The following ASPRV1 variants were observed in gnomAD, a reference collection of about 807,000 sequenced individuals.
ASPRV1 encodes the protein aspartic peptidase retroviral like 1, also known as retroviral-like aspartic protease 1.
A neutral mutation model predicts 11.0 loss-of-function variants in ASPRV1; 7 were observed. The ratio of observed to expected loss-of-function variants is 0.64; its 90% CI spans 0.36 to 1.20. The LOEUF (loss-of-function observed/expected upper bound fraction) is 1.20. Ranked by LOEUF, ASPRV1 falls within the 50% of genes most tolerant of loss-of-function variation. The pLI, the probability that ASPRV1 is intolerant of heterozygous loss-of-function variation, is 0.02. For synonymous variants in ASPRV1, 136 were observed against 138.4 expected (o/e 0.98, Z 0.12); for missense variants, 299 against 320.0 (o/e 0.93, Z 0.50).
chr2:69,953,608 T>A, the ASPRV1 span, among the ~76,000 whole-genome samples: 1 of 152,156 alleles, frequency 6.6e-6, no homozygotes, highest in Non-Finnish European at 1.5e-5. Flanking sequence ...TTTCCCCCAA[T>A]CCAGGGTAAA....
At chr2:69,941,859 T>TAC in the ASPRV1 span, 1 of 135,182 alleles carries the variant, frequency 7.4e-6, no homozygotes, top group East Asian at 2.4e-4. Context: ...AAAGTATCTA[T>TAC]ATATACACAC....
the ASPRV1 span, among the ~76,000 whole-genome samples, chr2:69,980,636 CA>C: frequency 6.6e-6 from 1 of 152,080 alleles, no homozygotes; most frequent in Non-Finnish European, 1.5e-5. Context: ...AGTATCATAC[CA>C]ATGTTAGTTT....
chr2:70,065,819 CAAAAAAAAAAAA>C, the ASPRV1 span, among the ~76,000 whole-genome samples: 11 of 67,446 alleles, frequency 1.6e-4, no homozygotes, highest in Admixed American at 1.3e-3. Context: ...GCTTTTGACT[CAAAAAAAAAAAA>C]AAAAAAAAAA....
At chr2:70,060,773 T>G in the ASPRV1 span, among the ~76,000 whole-genome samples, 1 of 151,842 alleles carries the variant, frequency 6.6e-6, no homozygotes, top group Non-Finnish European at 1.5e-5. Flanking sequence ...CTGAGATCGC[T>G]CCACTGCACT....
At chr2:70,065,044 G>A in the ASPRV1 span, among the ~76,000 whole-genome samples, 1 of 152,038 alleles carries the variant, frequency 6.6e-6, no homozygotes, top group South Asian at 2.1e-4. Context: ...GCAGTAAGCC[G>A]AGATCGAACC....
the ASPRV1 span, among the ~76,000 whole-genome samples, chr2:70,039,373 C>CA: frequency 6.6e-6 from 1 of 152,072 alleles, no homozygotes; most frequent in Non-Finnish European, 1.5e-5. Flanking sequence ...TCAATGGAAG[C>CA]AAGAGCTCAA....
the ASPRV1 span, among the ~76,000 whole-genome samples, chr2:70,071,208 G>A: frequency 2.0e-5 from 3 of 152,292 alleles, no homozygotes; most frequent in South Asian, 2.1e-4. Flanking sequence ...AAGGAGGAAA[G>A]GAAAGCATAC....
chr2:70,007,281 G>A, the ASPRV1 span, among the ~76,000 whole-genome samples: 3 of 152,128 alleles, frequency 2.0e-5, no homozygotes, highest in Non-Finnish European at 2.9e-5. Context: ...ACCTTGGGAG[G>A]CTGAGGCGGG....
chr2:69,985,738 G>C, the ASPRV1 span, among the ~76,000 whole-genome samples: 2 of 152,216 alleles, frequency 1.3e-5, no homozygotes, highest in Non-Finnish European at 2.9e-5. Context: ...TCTGGCGCCT[G>C]AGACCATGAG....
chr2:70,030,731 T>C, the ASPRV1 span: 3 of 152,138 alleles, frequency 2.0e-5, no homozygotes, highest in Admixed American at 6.5e-5. Context: ...TGTATGTGTG[T>C]TGGGAGTGTG....
the ASPRV1 span, among the ~76,000 whole-genome samples, chr2:70,016,676 T>A: frequency 6.6e-6 from 1 of 152,174 alleles, no homozygotes; most frequent in African/African-American, 2.4e-5. Context: ...AAGACCCATC[T>A]CTACTGAAAA....
the ASPRV1 span, chr2:70,086,092 G>A: frequency 6.6e-6 from 1 of 152,176 alleles, no homozygotes; most frequent in Non-Finnish European, 1.5e-5. Flanking sequence ...CAAATTAAAG[G>A]GAGGAAAACG....
At chr2:70,057,982 A>G in the ASPRV1 span, among the ~76,000 whole-genome samples, 1 of 151,410 alleles carries the variant, frequency 6.6e-6, no homozygotes, top group Non-Finnish European at 1.5e-5. Flanking sequence ...TTTAGTACAG[A>G]CAGCGTTTCA....
At chr2:70,064,576 C>G in the ASPRV1 span, among the ~76,000 whole-genome samples, 1 of 152,076 alleles carries the variant, frequency 6.6e-6, no homozygotes, top group South Asian at 2.1e-4. Context: ...GTTCTAGGCA[C>G]AATGAAGAGC....
At chr2:69,954,208 G>A in the ASPRV1 span, among the ~76,000 whole-genome samples, 1 of 152,118 alleles carries the variant, frequency 6.6e-6, no homozygotes. Context: ...GAAGAAGCAG[G>A]GGCTCAGCTT....
At chr2:69,934,217 C>T in the ASPRV1 span, among the ~76,000 whole-genome samples, 4 of 152,134 alleles carry the variant, frequency 2.6e-5, no homozygotes, top group Non-Finnish European at 4.4e-5. Flanking sequence ...ATAATATAAA[C>T]AGTTAAGTGG....
the ASPRV1 span, chr2:70,085,553 G>A: frequency 1.3e-5 from 2 of 152,178 alleles, no homozygotes; most frequent in African/African-American, 4.8e-5. Context: ...TCACCAGTAA[G>A]GAAATCTGGA....
chr2:69,984,518 T>C, the ASPRV1 span, among the ~76,000 whole-genome samples: 18 of 151,116 alleles, frequency 1.2e-4, no homozygotes, highest in East Asian at 3.5e-3. Context: ...AATCTAATTC[T>C]CATTTTACAG....
downstream of ASPRV1, among the ~76,000 whole-genome samples, chr2:69,957,915 G>A (rs1316729849): frequency 1.3e-5 from 2 of 152,112 alleles, no homozygotes; most frequent in Non-Finnish European, 2.9e-5. Flanking sequence ...TAGGTATAAG[G>A]ACTGCCATGG....
Sources: gnomAD v4.1 joint callset for allele counts (sites outside exome capture counted in the v4.1 genomes callset) on GRCh38, gnomAD v4.1.1 for gene constraint, MANE v1.5 for transcripts, NCBI Gene and HGNC (gene_info 2026-07-23, HGNC 2026-07-21) for gene names.